The following ZBTB20 variants were observed in gnomAD, a reference collection of about 807,000 sequenced individuals.
ZBTB20 encodes zinc finger and BTB domain containing 20.
A neutral mutation model predicts 56.9 loss-of-function variants in ZBTB20; 9 were observed. That is an observed-to-expected ratio of 0.16 (90% CI 0.10 to 0.28). The LOEUF (loss-of-function observed/expected upper bound fraction) is 0.28. Ranked by LOEUF, ZBTB20 falls within the 10% of genes least tolerant of loss-of-function variation. The pLI is 1.00. For synonymous variants in ZBTB20, 417 were observed against 420.7 expected (o/e 0.99, Z 0.11); for missense variants, 655 against 1,003.0 (o/e 0.65, Z 4.69).
At chr3:114,455,487 G>C (rs115234324) in intron 7 of ZBTB20, among the ~76,000 whole-genome samples, 1 of 152,058 alleles carries the variant, frequency 6.6e-6, no homozygotes, top group South Asian at 2.1e-4. Context: ...TTATGTGCAG[G>C]TGCCAACATA....
chr3:114,813,631 G>A (rs2072715335), intron 4 of ZBTB20, among the ~76,000 whole-genome samples: 1 of 152,182 alleles, frequency 6.6e-6, no homozygotes, highest in Non-Finnish European at 1.5e-5. Context: ...CATACCTGTA[G>A]TCCCAGCTAC....
Position 115,006,358 on chromosome 3 carries a change from C to T in ZBTB20, c.-506-31942G>A, listed in dbSNP as rs778556252. Reference sequence around the variant, plus strand: ...TACCCTCATATAGTTTCTAGCACTTCGGGTACTGAATAAATATTTGCTGGA... The same window carrying T: ...TACCCTCATATAGTTTCTAGCACTTTGGGTACTGAATAAATATTTGCTGGA... On this transcript the variant is annotated intron_variant, in intron 2 of 11. Transcript: ENST00000675478. Among the ~76,000 whole-genome samples, 5 of 151,522 alleles carry T rather than the reference C, an allele frequency of 3.3e-5. No individual in the cohort carries two copies. The South Asian group carries it at 8.3e-4, about 25-fold the overall frequency.
intron 7 of ZBTB20, among the ~76,000 whole-genome samples, chr3:114,432,853 A>C (rs2090219492): frequency 6.6e-6 from 1 of 152,112 alleles, no homozygotes. Context: ...GTGACTGGAG[A>C]GGACACATTA....
At chr3:114,632,103 G>A (rs1373906481) in intron 6 of ZBTB20, among the ~76,000 whole-genome samples, 1 of 152,148 alleles carries the variant, frequency 6.6e-6, no homozygotes, top group East Asian at 1.9e-4. Flanking sequence ...TTTTACCTAT[G>A]TCTGGCCATC....
intron 3 of ZBTB20, among the ~76,000 whole-genome samples, chr3:114,904,539 T>C (rs1177567044): frequency 6.6e-6 from 1 of 152,056 alleles, no homozygotes; most frequent in African/African-American, 2.4e-5. Context: ...GAGCTGGATG[T>C]TGTATCATTA....
rs112083101 is a variant in ZBTB20 at position 114,719,146 on chromosome 3, C to G, written c.-342-25571G>C. On this transcript the variant is annotated intron_variant, in intron 5 of 11. Coordinates refer to ENST00000675478, the MANE Select transcript of ZBTB20 (RefSeq NM_001348800.3). ...GGAGGAACACAGCCAGGAAAGTGAGCATTTTGGTAGCTGGATAATGTGTAG... is the reference window on the plus strand; with the variant it reads ...GGAGGAACACAGCCAGGAAAGTGAGGATTTTGGTAGCTGGATAATGTGTAG... Among the ~76,000 whole-genome samples the G allele has an allele frequency of 5.4e-4, 66 of 121,428 alleles. 1 individual carries two copies. Among genetic ancestry groups the G allele is most frequent in the African/African-American group, 2.2e-3 (66 of 30,634 alleles). 79.7% of individuals were successfully genotyped at this position (121,428 alleles called of 152,430 possible).
chr3:114,787,444 T>C (rs28431769), intron 5 of ZBTB20, among the ~76,000 whole-genome samples: 61 of 149,782 alleles, frequency 4.1e-4, no homozygotes, highest in African/African-American at 1.4e-3. Context: ...TATATACACA[T>C]ATATATACAC....
intron 5 of ZBTB20, among the ~76,000 whole-genome samples, chr3:114,754,733 A>C (rs1310210520): frequency 6.6e-6 from 1 of 152,180 alleles, no homozygotes; most frequent in East Asian, 1.9e-4. Context: ...TGATAGCTTA[A>C]AAATTAAATA....
chr3:114,508,510 T>C (rs1483194841), intron 6 of ZBTB20, among the ~76,000 whole-genome samples: 1 of 152,112 alleles, frequency 6.6e-6, no homozygotes, highest in Non-Finnish European at 1.5e-5. Flanking sequence ...CACTAACATG[T>C]ACCAATCAAC....
chr3:114,363,375 G>T (rs969852493), intron 10 of ZBTB20, among the ~76,000 whole-genome samples: 7 of 151,914 alleles, frequency 4.6e-5, no homozygotes, highest in Admixed American at 2.0e-4. Context: ...TATCTCTATG[G>T]GATATTTGTT....
chr3:114,590,686 C>T (rs2055668644), intron 6 of ZBTB20, among the ~76,000 whole-genome samples: 1 of 152,004 alleles, frequency 6.6e-6, no homozygotes, highest in African/African-American at 2.4e-5. Flanking sequence ...TGCTTTCACC[C>T]TCGTCAAGCA....
At position 115,120,023 on chromosome 3, in the gene ZBTB20, G is replaced by C. The variant is rs367790994; in HGVS notation, c.-703+27196C>G. ...AAAATCAGTGGTTGCCAGGGGCTGG[G>C]GGAGAGAGGGATGAATAGGTGGTGG... On this transcript the variant is annotated intron_variant, in intron 1 of 11. Transcript: ENST00000675478. Among the ~76,000 whole-genome samples, 14 of 152,214 alleles carry C rather than the reference G, an allele frequency of 9.2e-5. 1 individual carries two copies. Among genetic ancestry groups the C allele is most frequent in the African/African-American group, 3.4e-4 (14 of 41,542 alleles).
chr3:114,695,686 A>C (rs1274282461), intron 5 of ZBTB20, among the ~76,000 whole-genome samples: 9 of 152,030 alleles, frequency 5.9e-5, no homozygotes, highest in African/African-American at 2.2e-4. Context: ...TGTATACAGA[A>C]CTACACATTT....
At chr3:114,812,756 C>T (rs1399603087) in intron 4 of ZBTB20, among the ~76,000 whole-genome samples, 2 of 152,134 alleles carry the variant, frequency 1.3e-5, no homozygotes, top group Non-Finnish European at 2.9e-5. Flanking sequence ...GGGCGGTGCT[C>T]CTAGGGGAGG....
At chr3:115,067,979 A>G (rs2082269156) in intron 2 of ZBTB20, among the ~76,000 whole-genome samples, 2 of 152,128 alleles carry the variant, frequency 1.3e-5, no homozygotes, top group African/African-American at 2.4e-5. Flanking sequence ...CAGGCATATG[A>G]GTCAAGAACA....
At chr3:114,732,448 C>T (rs1208726440) in intron 5 of ZBTB20, among the ~76,000 whole-genome samples, 3 of 152,110 alleles carry the variant, frequency 2.0e-5, no homozygotes, top group African/African-American at 7.2e-5. Flanking sequence ...AAAGTGTTGT[C>T]CTAGAGTCCC....
intron 6 of ZBTB20, among the ~76,000 whole-genome samples, chr3:114,607,114 AAATAAATG>A (rs1381235793): frequency 4.1e-5 from 6 of 146,964 alleles, no homozygotes; most frequent in African/African-American, 7.5e-5. Context: ...ATAAATAAAT[AAATAAATG>A]AATAAATTCT....
At chr3:114,430,856 G>C (rs1452083202) in intron 7 of ZBTB20, among the ~76,000 whole-genome samples, 2 of 152,154 alleles carry the variant, frequency 1.3e-5, no homozygotes, top group Non-Finnish European at 2.9e-5. Flanking sequence ...CACATAGTCT[G>C]CTTCATTTTT....
intron 5 of ZBTB20, among the ~76,000 whole-genome samples, chr3:114,800,827 G>A (rs2071652557): frequency 6.6e-6 from 1 of 151,694 alleles, no homozygotes; most frequent in African/African-American, 2.4e-5. Context: ...GACAGGGTGT[G>A]TGTCACTGTG....
Sources: gnomAD v4.1 joint callset for allele counts (sites outside exome capture counted in the v4.1 genomes callset) on GRCh38, gnomAD v4.1.1 for gene constraint, MANE v1.5 for transcripts, NCBI Gene and HGNC (gene_info 2026-07-23, HGNC 2026-07-21) for gene names.